ATRNL1: variants seen among roughly 807,000 people sequenced by gnomAD.
ATRNL1 encodes attractin-like protein 1.
In ATRNL1, 95 loss-of-function variants were observed where a neutral mutation model predicts 182.7. The ratio of observed to expected loss-of-function variants is 0.52; its 90% CI spans 0.44 to 0.62. The LOEUF (loss-of-function observed/expected upper bound fraction) is 0.62. Ranked by LOEUF, ATRNL1 falls within the 20% of genes least tolerant of loss-of-function variation. ATRNL1 has a pLI of 0.00. For synonymous variants in ATRNL1, 576 were observed against 568.3 expected (o/e 1.01, Z -0.19); for missense variants, 1,471 against 1,679.5 (o/e 0.88, Z 2.17).
intron 26 of ATRNL1, among the ~76,000 whole-genome samples, chr10:115,626,661 G>A (rs1040267587): frequency 2.0e-5 from 3 of 151,924 alleles, no homozygotes; most frequent in Non-Finnish European, 1.5e-5. Flanking sequence ...CTTGCAAATC[G>A]CTTTCTCAGA....
intron 24 of ATRNL1, among the ~76,000 whole-genome samples, chr10:115,508,054 A>AT: frequency 6.6e-6 from 1 of 151,892 alleles, no homozygotes; most frequent in East Asian, 1.9e-4. Context: ...TGTTCGTGCA[A>AT]TTTTTCCAAT....
At chr10:115,133,460 C>T (rs1413075385) in intron 5 of ATRNL1, among the ~76,000 whole-genome samples, 1 of 152,262 alleles carries the variant, frequency 6.6e-6, no homozygotes, top group East Asian at 1.9e-4. Context: ...AAGGCCATTA[C>T]TTAATGGTAA....
At chr10:115,701,921 GGA>G (rs1555051630) in intron 26 of ATRNL1, among the ~76,000 whole-genome samples, 1 of 151,880 alleles carries the variant, frequency 6.6e-6, no homozygotes, top group African/African-American at 2.4e-5. Flanking sequence ...AAATACAGCA[GGA>G]GAGACTCTTC....
intron 28 of ATRNL1, among the ~76,000 whole-genome samples, chr10:115,938,058 T>C (rs1565501800): frequency 6.6e-6 from 1 of 152,228 alleles, no homozygotes; most frequent in Admixed American, 6.5e-5. Flanking sequence ...TCAAAGTGAA[T>C]GACTTTTCTG....
At chr10:115,404,961 A>G (rs988812334) in intron 20 of ATRNL1, among the ~76,000 whole-genome samples, 3 of 152,130 alleles carry the variant, frequency 2.0e-5, no homozygotes, top group Admixed American at 2.0e-4. Context: ...GATGGTCAGA[A>G]TGGTTCCCAA....
chr10:115,830,851 G>A (rs1427036124), intron 27 of ATRNL1, among the ~76,000 whole-genome samples: 2 of 152,112 alleles, frequency 1.3e-5, no homozygotes. Flanking sequence ...TCTGATGTCA[G>A]CTAATTTCTG....
chr10:115,408,633 A>G (rs1290460981), intron 20 of ATRNL1, among the ~76,000 whole-genome samples: 1 of 152,072 alleles, frequency 6.6e-6, no homozygotes, highest in African/African-American at 2.4e-5. Flanking sequence ...TTATTCATAA[A>G]ATCTTTTCCC....
In ATRNL1 at chr10:115,093,691, C is replaced by A; in HGVS notation, c.-60C>A. 7.0e-7 allele frequency: 1 copy of A among 1,426,414 alleles called. No individual in the cohort carries two copies. The highest frequency in any genetic ancestry group is 9.2e-7 in the Non-Finnish European group (1 of 1,084,616). The allele number at this position is 1,426,414 out of a possible 1,614,324, so 88.4% of individuals were successfully genotyped here. A position where few individuals can be genotyped will look rare whatever the true frequency, so the allele number is the denominator to read the frequency against. ...GGTTTTCTGCGGCCGGAATTCCCTT[C>A]AACAGCATCCCTGTCGGCGCCCGCG... On this transcript the variant is annotated 5_prime_UTR_variant, in exon 1 of 29. Transcript: ENST00000355044. This position sits in a 1 kb window ranked among gnomAD's most constrained non-coding sequence, Gnocchi z 6.1.
rs187679772 is a variant in ATRNL1, at chr10:115,541,695, T to C, written c.3717-7763T>C. Among the ~76,000 whole-genome samples the C allele has an allele frequency of 9.9e-4, 151 of 152,232 alleles. 3 individuals carry two copies. The highest frequency in any genetic ancestry group is 9.7e-3 in the South Asian group (47 of 4,826). On this transcript the variant is annotated intron_variant, in intron 25 of 28. Transcript: ENST00000355044. Reference sequence around the variant, plus strand: ...ACGATTGCCAAAGGATCAAAATAGGTAACACGAACATAGTGTTGAATGATA... The same window carrying C: ...ACGATTGCCAAAGGATCAAAATAGGCAACACGAACATAGTGTTGAATGATA...
At chr10:115,347,436 G>A (rs1856026403) in intron 19 of ATRNL1, among the ~76,000 whole-genome samples, 1 of 152,012 alleles carries the variant, frequency 6.6e-6, no homozygotes, top group African/African-American at 2.4e-5. Flanking sequence ...TTTTAATGTA[G>A]TAATGTCTAA....
At chr10:115,440,421 T>C (rs1028419567) in intron 21 of ATRNL1, among the ~76,000 whole-genome samples, 3 of 151,940 alleles carry the variant, frequency 2.0e-5, no homozygotes, top group South Asian at 2.1e-4. Context: ...TATTACCCGA[T>C]ACCTTGTCAT....
chr10:115,183,531 G>A (rs1365171777), intron 8 of ATRNL1, among the ~76,000 whole-genome samples: 4 of 151,266 alleles, frequency 2.6e-5, no homozygotes, highest in African/African-American at 9.7e-5. Context: ...AATATTGATA[G>A]GATATTAAAA....
intron 27 of ATRNL1, among the ~76,000 whole-genome samples, chr10:115,785,098 G>A (rs1949363478): frequency 6.6e-6 from 1 of 152,218 alleles, no homozygotes; most frequent in South Asian, 2.1e-4. Context: ...AGGTAAGACT[G>A]TGAGTATGAT....
intron 8 of ATRNL1, among the ~76,000 whole-genome samples, chr10:115,192,395 G>T (rs782096996): frequency 2.6e-5 from 4 of 151,922 alleles, no homozygotes; most frequent in Admixed American, 2.6e-4. Context: ...TGTAAAAAAC[G>T]AGTTGACTGT....
At chr10:115,639,219 G>A (rs1859078625) in intron 26 of ATRNL1, among the ~76,000 whole-genome samples, 1 of 152,146 alleles carries the variant, frequency 6.6e-6, no homozygotes, top group African/African-American at 2.4e-5. Flanking sequence ...AAACTATGGA[G>A]TCTGTAAAGA....
intron 8 of ATRNL1, among the ~76,000 whole-genome samples, chr10:115,177,141 T>G (rs1344527691): frequency 6.6e-6 from 1 of 152,110 alleles, no homozygotes; most frequent in Non-Finnish European, 1.5e-5. Context: ...AGTGGGAAAG[T>G]AATCAACGGA....
intron 19 of ATRNL1, among the ~76,000 whole-genome samples, chr10:115,345,090 C>T (rs1395582625): frequency 6.6e-6 from 1 of 152,190 alleles, no homozygotes; most frequent in African/African-American, 2.4e-5. Context: ...GCCAGTACTC[C>T]CTTAGTCACC....
intron 3 of ATRNL1, among the ~76,000 whole-genome samples, chr10:115,122,434 CAG>C (rs1233304007): frequency 2.0e-5 from 3 of 151,638 alleles, no homozygotes; most frequent in East Asian, 1.9e-4. Context: ...CTATTAGACA[CAG>C]AAAAAATTAT....
chr10:115,411,900 A>G (rs1845159342), intron 20 of ATRNL1, among the ~76,000 whole-genome samples: 1 of 152,148 alleles, frequency 6.6e-6, no homozygotes, highest in Admixed American at 6.5e-5. Flanking sequence ...TATCTATAAC[A>G]AAAATTTTAT....
Sources: allele counts gnomAD v4.1 joint callset (sites outside exome capture counted in the v4.1 genomes callset), GRCh38; gene constraint gnomAD v4.1.1; non-coding constraint Gnocchi (gnomAD v3.1); transcripts MANE v1.5; gene names NCBI Gene and HGNC (gene_info 2026-07-23, HGNC 2026-07-21).